ADAMTSL1: variants seen among roughly 807,000 people sequenced by gnomAD.
ADAMTSL1 encodes the protein ADAMTS like 1, also known as ADAMTS-like protein 1.
Under a neutral mutation model 201.8 loss-of-function variants are expected in ADAMTSL1, and 126 were observed. That is an observed-to-expected ratio of 0.62 (90% CI 0.54 to 0.72). The LOEUF is 0.72. Among genes scored for constraint, ADAMTSL1 ranks in the 30% least tolerant of loss-of-function variants. The pLI is 0.00. For missense variants in ADAMTSL1, 2,679 were observed against 2,277.8 expected (o/e 1.18, Z -3.59); for synonymous variants, 1,121 against 903.4 (o/e 1.24, Z -4.32).
chr9:18,344,168 G>A (rs992718703), intron 2 of ADAMTSL1, among the ~76,000 whole-genome samples: 10 of 152,162 alleles, frequency 6.6e-5, no homozygotes, highest in East Asian at 5.8e-4. Context: ...TGGTTCACCC[G>A]AATACTGAAG....
chr9:18,895,786 T>C (rs1411743185), intron 26 of ADAMTSL1, among the ~76,000 whole-genome samples: 1 of 152,154 alleles, frequency 6.6e-6, no homozygotes, highest in Non-Finnish European at 1.5e-5. Context: ...GTAGGAGAAA[T>C]GGCTATTTTT....
At chr9:18,504,756 A>G in intron 1 of ADAMTSL1, 73 bp from the exon 2 acceptor site, 1 of 1,607,042 alleles carries the variant, frequency 6.2e-7, no homozygotes, top group Non-Finnish European at 8.5e-7. Context: ...CGTACAGGCC[A>G]GTCACATTTT....
intron 25 of ADAMTSL1, chr9:18,890,601 G>A (rs58690515): frequency 4.4e-6 from 2 of 455,776 alleles, no homozygotes; most frequent in Admixed American, 2.4e-5. Context: ...GATGAAATAT[G>A]AAACATGCTC....
chr9:18,573,989 C>A (rs772002375), intron 3 of ADAMTSL1, 41 bp from the exon 4 acceptor site: 1 of 1,541,012 alleles, frequency 6.5e-7, no homozygotes, highest in Non-Finnish European at 8.9e-7. Flanking sequence ...TTGGGGGTAT[C>A]CTCCTAACCT....
intron 2 of ADAMTSL1, among the ~76,000 whole-genome samples, chr9:18,463,996 G>A (rs1028142662): frequency 1.3e-5 from 2 of 152,216 alleles, no homozygotes; most frequent in African/African-American, 4.8e-5. Flanking sequence ...GTGCCATGCA[G>A]CTATGCCAGA....
chr9:18,309,973 C>T (rs114146743), intron 2 of ADAMTSL1, among the ~76,000 whole-genome samples: 10,449 of 151,946 alleles, frequency 0.069, 1,163 homozygotes, highest in African/African-American at 0.24. Flanking sequence ...AGCATATTAC[C>T]GGTACCAAAA....
chr9:18,821,125 A>G (rs1824184277), intron 21 of ADAMTSL1, among the ~76,000 whole-genome samples: 1 of 152,236 alleles, frequency 6.6e-6, no homozygotes, highest in Admixed American at 6.5e-5. Context: ...TAGGAGATAA[A>G]ATCAGCAGGA....
chr9:17,933,051 A>G (rs748903831), intron 1 of ADAMTSL1, among the ~76,000 whole-genome samples: 4 of 152,266 alleles, frequency 2.6e-5, no homozygotes, highest in Non-Finnish European at 2.9e-5. Flanking sequence ...ATTAAGTTGT[A>G]TGTGTTTCTT....
At position 18,100,463 on chromosome 9, in the gene ADAMTSL1, C is replaced by G. The variant is rs7027272; in HGVS notation, c.88-63399C>G. Among the ~76,000 whole-genome samples, 1,016 of 152,256 alleles carry G rather than the reference C, an allele frequency of 6.7e-3. 16 individuals carry two copies. The highest frequency in any genetic ancestry group is 0.023 in the African/African-American group (966 of 41,538). The stretch of plus-strand genomic sequence containing the variant: ...GACTTTAGAGGATGGGCCACCATGC[C>G]TGGCTAATTTCCCTGAACTTTCAGA... On this transcript the variant is annotated intron_variant, in intron 1 of 29. Coordinates refer to the ADAMTSL1 transcript ENST00000680146.
chr9:18,559,579 A>T (rs539643334), intron 3 of ADAMTSL1, among the ~76,000 whole-genome samples: 1 of 152,352 alleles, frequency 6.6e-6, no homozygotes, highest in African/African-American at 2.4e-5. Flanking sequence ...ATAGCATTGA[A>T]TCTATAAATA....
At chr9:18,208,538 A>G (rs569184955) in intron 2 of ADAMTSL1, among the ~76,000 whole-genome samples, 1 of 152,286 alleles carries the variant, frequency 6.6e-6, no homozygotes, top group South Asian at 2.1e-4. Context: ...AATTGATTTT[A>G]CTTGGAAGAC....
chr9:18,263,848 G>A (rs1051081281), intron 2 of ADAMTSL1, among the ~76,000 whole-genome samples: 2 of 152,160 alleles, frequency 1.3e-5, no homozygotes, highest in Non-Finnish European at 2.9e-5. Context: ...AAGCCAGGAA[G>A]AGAGCCCTCA....
chr9:18,284,447 G>C (rs1384419986), intron 2 of ADAMTSL1, among the ~76,000 whole-genome samples: 1 of 152,000 alleles, frequency 6.6e-6, no homozygotes, highest in Non-Finnish European at 1.5e-5. Context: ...CATTTTTGAT[G>C]ATGTGATATT....
intron 1 of ADAMTSL1, among the ~76,000 whole-genome samples, chr9:18,479,281 T>G (rs534437127): frequency 6.6e-6 from 1 of 152,370 alleles, no homozygotes; most frequent in African/African-American, 2.4e-5. Flanking sequence ...GTCAAGAAGA[T>G]GCCCAATGGC....
chr9:18,735,644 G>C (rs1383055041), intron 15 of ADAMTSL1, among the ~76,000 whole-genome samples: 1 of 151,970 alleles, frequency 6.6e-6, no homozygotes, highest in Admixed American at 6.6e-5. Flanking sequence ...GTCAAACATG[G>C]GTTACCCCTT....
chr9:18,128,283 A>T (rs4322098), intron 1 of ADAMTSL1, among the ~76,000 whole-genome samples: 61,534 of 152,006 alleles, frequency 0.4, 13,557 homozygotes, highest in South Asian at 0.5. Context: ...GGGTAATGAG[A>T]TTTGCATTTA....
At position 18,706,892 on chromosome 9, in the gene ADAMTSL1, T is replaced by C. The variant is rs766260359; in HGVS notation, c.1720T>C (p.Ser574Pro). The C allele has an allele frequency of 5.0e-6, 8 of 1,613,950 alleles. No individual in the cohort carries two copies. The highest frequency in any genetic ancestry group is 6.8e-6 in the Non-Finnish European group (8 of 1,179,872). Residue 574 changes from serine (S) to proline (P), a missense_variant, in exon 14 of 29, where the codon TCC becomes CCC. Coordinates refer to ENST00000380548, the MANE Select transcript of ADAMTSL1 (RefSeq NM_001040272.6). ...CGAGTGTGAAGGGCCCAAGCCAGCA[T>C]CCCAGCGTGCCTGTTATGCAGGCCC... Reference protein sequence around the residue: ...IDECEGPKPASQRACYAGPCS... With the variant: ...IDECEGPKPAPQRACYAGPCS...
At chr9:18,679,578 G>A (rs541703207) in intron 10 of ADAMTSL1, among the ~76,000 whole-genome samples, 1 of 152,228 alleles carries the variant, frequency 6.6e-6, no homozygotes, top group South Asian at 2.1e-4. Context: ...ACTTTCAGAT[G>A]CCATTAGCCT....
At chr9:18,377,246 A>G (rs1237475563) in intron 2 of ADAMTSL1, among the ~76,000 whole-genome samples, 1 of 152,250 alleles carries the variant, frequency 6.6e-6, no homozygotes, top group Non-Finnish European at 1.5e-5. Context: ...TCTGTAAATG[A>G]GGATAATGTA....
Sources: allele counts gnomAD v4.1 joint callset (sites outside exome capture counted in the v4.1 genomes callset), GRCh38; gene constraint gnomAD v4.1.1; transcripts MANE v1.5; gene names NCBI Gene and HGNC (gene_info 2026-07-23, HGNC 2026-07-21).